The following EXD3 variants were observed in gnomAD, a reference collection of about 807,000 sequenced individuals.
EXD3 encodes the protein exonuclease 3'-5' domain containing 3.
In EXD3, 92 loss-of-function variants were observed where a neutral mutation model predicts 98.0. That is an observed-to-expected ratio of 0.94 (90% CI 0.79 to 1.12). The LOEUF is 1.12. Among genes scored for constraint, EXD3 ranks in the 50% most tolerant of loss-of-function variants. The pLI is 0.00. For missense variants in EXD3, 1,222 were observed against 1,191.6 expected (o/e 1.03, Z -0.38); for synonymous variants, 569 against 526.0 (o/e 1.08, Z -1.12).
intron 2 of EXD3, 86 bp from the exon 3 acceptor site, chr9:137,383,463 C>T: frequency 1.9e-6 from 2 of 1,039,416 alleles, no homozygotes; most frequent in Non-Finnish European, 2.8e-6. Flanking sequence ...TCCCACTGAC[C>T]CGCAATGCCT....
chr9:137,323,880 T>G, intron 18 of EXD3, 24 bp from the exon 19 acceptor site: 1 of 1,592,690 alleles, frequency 6.3e-7, no homozygotes, highest in Non-Finnish European at 8.5e-7. Flanking sequence ...GCTCGGCTAC[T>G]GAGGGGCAGT....
At chr9:137,331,298 A>C (rs1209933399) in intron 17 of EXD3, among the ~76,000 whole-genome samples, 1 of 152,140 alleles carries the variant, frequency 6.6e-6, no homozygotes, top group Non-Finnish European at 1.5e-5. Context: ...AGCCAACATC[A>C]TACTAAATGG....
At chr9:137,358,018 T>C (rs959228608) in intron 7 of EXD3, among the ~76,000 whole-genome samples, 1 of 151,630 alleles carries the variant, frequency 6.6e-6, no homozygotes. Context: ...AGATTAAGGG[T>C]GCGTCTGCCT....
Position 137,349,470 on chromosome 9 carries a change from C to T in EXD3, c.1556G>A (p.Ser519Asn). ...VDRARELRGL[S>N]LLVQQVLGTA... The stretch of plus-strand genomic sequence containing the variant: ...GCCCAGCACCTGCTGCACCAGGAGG[C>T]TCAGGCCCCTCAGCTCCCTGGCCCT... The change falls in exon 15 of 22, where the codon AGC (serine) becomes AAC (asparagine). Residue 519 changes from serine (S) to asparagine (N), a missense_variant. Physicochemically the swap from Ser to Asn is conservative, Grantham distance 46. Coordinates refer to ENST00000340951, the MANE Select transcript of EXD3 (RefSeq NM_017820.5). This position sits in a 1 kb window ranked among gnomAD's most constrained non-coding sequence, Gnocchi z 7.4. 4.4e-6 allele frequency: 7 copies of T among 1,603,620 alleles called. No individual in the cohort carries two copies. Among genetic ancestry groups the T allele is most frequent in the Non-Finnish European group, 5.9e-6 (7 of 1,178,020 alleles).
At position 137,349,112 on chromosome 9, in the gene EXD3, G is replaced by A; in HGVS notation, c.1828C>T (p.Gln610Ter). The A allele has an allele frequency of 6.3e-7, 1 of 1,593,792 alleles. No homozygotes were observed. Residue 610 changes from glutamine to a stop codon, truncating the protein, a stop_gained and splice_region_variant, in exon 16 of 22, where the codon CAG (glutamine) becomes TAG (stop). Transcript: ENST00000340951. LOFTEE classifies it high-confidence loss of function. The surrounding 1 kb of genome is among the most constrained non-coding windows in gnomAD (Gnocchi z 7.4). The stretch of plus-strand genomic sequence containing the variant: ...GGACCCTGCGGGGCTTCACCCACCT[G>A]CCTGGGTGCGGCCGGTGCTGACGCT... ...QKASAPAAPRQVPVAVAVSEG... is the reference protein window; with the variant it reads ...QKASAPAAPR
chr9:137,326,922 A>C (rs78800758), intron 17 of EXD3, among the ~76,000 whole-genome samples: 1 of 144,460 alleles, frequency 6.9e-6, no homozygotes, highest in Non-Finnish European at 1.5e-5. Context: ...AGCCACATTC[A>C]AAAAAAAAAA....
chr9:137,366,684 C>T lies in EXD3; in HGVS notation c.517-52G>A. Reference sequence around the variant, plus strand: ...CAGCCTCCGCCACCTCAGCCAAAACCTGACTCACCTCCAACCCAGAGGGAG... The same window carrying T: ...CAGCCTCCGCCACCTCAGCCAAAACTTGACTCACCTCCAACCCAGAGGGAG... On this transcript the variant is annotated intron_variant, in intron 6 of 21. Coordinates refer to ENST00000340951, the MANE Select transcript of EXD3 (RefSeq NM_017820.5). 4 of 1,526,190 alleles carry T rather than the reference C, an allele frequency of 2.6e-6. No homozygotes were observed. In the South Asian group the frequency reaches 3.7e-5, roughly 14 times the overall value. 94.5% of individuals were successfully genotyped at this position (1,526,190 alleles called of 1,614,324 possible). A position where few individuals can be genotyped will look rare whatever the true frequency, so the allele number is the denominator to read the frequency against.
At chr9:137,343,443 GT>G (rs58416403) in intron 17 of EXD3, 133,540 of 152,038 alleles carry the variant, frequency 0.88, 58,717 homozygotes, top group East Asian at 0.99. Context: ...ATATCCATTA[GT>G]TTGACTGCAG....
intron 3 of EXD3, chr9:137,374,450 AT>A: frequency 1.8e-6 from 1 of 554,014 alleles, no homozygotes; most frequent in Non-Finnish European, 2.3e-6. Flanking sequence ...TGCGATGTGG[AT>A]GGTGTGCTCT....
At chr9:137,397,079 G>A (rs566943396) in intron 1 of EXD3, among the ~76,000 whole-genome samples, 1 of 152,170 alleles carries the variant, frequency 6.6e-6, no homozygotes, top group Non-Finnish European at 1.5e-5. Flanking sequence ...CCAGGGCTGA[G>A]AATACAGTGG....
At chr9:137,372,860 C>T in intron 5 of EXD3, 45 bp downstream of exon 5, 2 of 1,588,138 alleles carry the variant, frequency 1.3e-6, no homozygotes, top group Non-Finnish European at 8.5e-7. Flanking sequence ...GCCCCACCGC[C>T]CGAGAAGCCG....
chr9:137,320,206 G>GC (rs1262319290), intron 19 of EXD3, among the ~76,000 whole-genome samples: 6 of 152,174 alleles, frequency 3.9e-5, no homozygotes, highest in Non-Finnish European at 7.4e-5. Context: ...GGCCAAGGCA[G>GC]CCCCCCCGCC....
intron 19 of EXD3, among the ~76,000 whole-genome samples, chr9:137,321,715 C>T (rs1832040598): frequency 6.6e-6 from 1 of 152,128 alleles, no homozygotes; most frequent in Non-Finnish European, 1.5e-5. Context: ...CAAAACTGGG[C>T]TTGTTGGAGC....
At chr9:137,376,454 A>AG (rs1158215833) in intron 3 of EXD3, among the ~76,000 whole-genome samples, 3 of 151,716 alleles carry the variant, frequency 2.0e-5, no homozygotes, top group Non-Finnish European at 1.5e-5. Flanking sequence ...AGAGGCTCAG[A>AG]GCAGAACTCG....
chr9:137,358,674 T>G (rs1207821323), intron 7 of EXD3, among the ~76,000 whole-genome samples: 2 of 152,178 alleles, frequency 1.3e-5, no homozygotes, highest in Admixed American at 1.3e-4. Flanking sequence ...TAACTCCTAC[T>G]TAAAACTTTT....
chr9:137,374,723 G>A (rs915951564), intron 3 of EXD3: 9 of 985,374 alleles, frequency 9.1e-6, no homozygotes, highest in South Asian at 4.7e-5. Flanking sequence ...GGGGAAAGTG[G>A]CCAGACAGGG....
At chr9:137,416,626 C>T (rs551575700) in intron 1 of EXD3, among the ~76,000 whole-genome samples, 1 of 152,184 alleles carries the variant, frequency 6.6e-6, no homozygotes, top group Admixed American at 6.5e-5. Context: ...CTGGGCAACC[C>T]GGCTCAGAGC....
At chr9:137,354,835 G>T in intron 8 of EXD3, 62 bp from the exon 9 acceptor site, 3 of 1,523,130 alleles carry the variant, frequency 2.0e-6, no homozygotes, top group Non-Finnish European at 2.7e-6. Context: ...GCCTCCTTCT[G>T]GGGCGGGCTG....
chr9:137,365,431 C>T (rs2131649296), intron 7 of EXD3: 1 of 154,058 alleles, frequency 6.5e-6, no homozygotes, highest in Middle Eastern at 3.3e-3. Context: ...TCTCGGGGCA[C>T]CTTGACCAGA....
Sources: allele counts gnomAD v4.1 joint callset (sites outside exome capture counted in the v4.1 genomes callset), GRCh38; gene constraint gnomAD v4.1.1; non-coding constraint Gnocchi (gnomAD v3.1); transcripts MANE v1.5; gene names NCBI Gene and HGNC (gene_info 2026-07-23, HGNC 2026-07-21).